Variants in TEAD1 observed in about 807,000 individuals in gnomAD.
The protein encoded by TEAD1 is transcriptional enhancer factor TEF-1.
Under a neutral mutation model 54.9 loss-of-function variants are expected in TEAD1, and 9 were observed. The ratio of observed to expected loss-of-function variants is 0.16; its 90% CI spans 0.10 to 0.29. The LOEUF is 0.29. TEAD1 is among the 10% of genes least tolerant of loss of function. The pLI is 1.00. For missense variants in TEAD1, 387 were observed against 535.9 expected, an observed-to-expected ratio of 0.72 and a Z score of 2.74; for synonymous variants, 200 against 187.8, an observed-to-expected ratio of 1.07 and a Z score of -0.53.
intron 3 of TEAD1, among the ~76,000 whole-genome samples, chr11:12,805,484 A>G (rs761629985): frequency 9.2e-5 from 14 of 152,226 alleles, no homozygotes; most frequent in Admixed American, 3.9e-4. Context: ...AGTAAAGATC[A>G]TGTAACATAT....
chr11:12,700,289 T>A (rs1490183309), intron 2 of TEAD1, among the ~76,000 whole-genome samples: 2 of 152,128 alleles, frequency 1.3e-5, no homozygotes, highest in African/African-American at 4.8e-5. Context: ...TTAACAACTT[T>A]GGACTTTTTC....
At chr11:12,737,147 A>C (rs1177039195) in intron 2 of TEAD1, among the ~76,000 whole-genome samples, 2 of 152,142 alleles carry the variant, frequency 1.3e-5, no homozygotes, top group Non-Finnish European at 2.9e-5. Context: ...TCAGATGAGG[A>C]GACGGAGGCC....
chr11:12,742,008 A>G (rs1274954934), intron 2 of TEAD1, among the ~76,000 whole-genome samples: 1 of 152,208 alleles, frequency 6.6e-6, no homozygotes, highest in Non-Finnish European at 1.5e-5. Flanking sequence ...CCTGATACAG[A>G]GCCAGCACAC....
intron 2 of TEAD1, among the ~76,000 whole-genome samples, chr11:12,688,934 C>T (rs1394290164): frequency 2.0e-5 from 3 of 151,882 alleles, no homozygotes; most frequent in East Asian, 1.9e-4. Context: ...TTTGCCTTTT[C>T]GTCTTCCTCC....
chr11:12,763,339 T>A (rs1945137870), intron 2 of TEAD1, among the ~76,000 whole-genome samples: 1 of 152,228 alleles, frequency 6.6e-6, no homozygotes, highest in African/African-American at 2.4e-5. Flanking sequence ...GACGGAGTGC[T>A]CCATGTCAAT....
intron 9 of TEAD1, among the ~76,000 whole-genome samples, chr11:12,890,568 C>T (rs377102988): frequency 5.3e-5 from 8 of 152,164 alleles, no homozygotes; most frequent in Admixed American, 1.3e-4. Flanking sequence ...ATAACAGGAT[C>T]GCTGCCATGC....
At chr11:12,880,886 G>T in intron 6 of TEAD1, 119 bp from the exon 7 acceptor site, 1 of 1,154,644 alleles carries the variant, frequency 8.7e-7, no homozygotes. Flanking sequence ...CTCTGGGAAA[G>T]CGATTCTGTT....
At chr11:12,854,455 AG>A (rs1947332616) in intron 3 of TEAD1, among the ~76,000 whole-genome samples, 1 of 152,210 alleles carries the variant, frequency 6.6e-6, no homozygotes, top group African/African-American at 2.4e-5. Context: ...AATGGAACAC[AG>A]TAGCTGTGCT....
chr11:12,905,156 T>G (rs1209486748), intron 10 of TEAD1, among the ~76,000 whole-genome samples: 4 of 152,246 alleles, frequency 2.6e-5, no homozygotes, highest in Non-Finnish European at 4.4e-5. Context: ...GCATATTGTT[T>G]GAATATAAAG....
At chr11:12,724,610 T>G (rs1209371271) in intron 2 of TEAD1, among the ~76,000 whole-genome samples, 1 of 152,226 alleles carries the variant, frequency 6.6e-6, no homozygotes, top group Non-Finnish European at 1.5e-5. Context: ...CTGTTTGAAA[T>G]GGACAGAACC....
Position 12,940,035 on chromosome 11 carries a change from TG to T in TEAD1, c.*2814del, listed in dbSNP as rs2134181534. The T allele has an allele frequency of 6.6e-6, 1 of 152,386 alleles. No homozygotes were observed. The highest frequency in any genetic ancestry group is 1.9e-4 in the East Asian group (1 of 5,186). The allele number at this position is 152,386 out of a possible 1,614,324, so 9.4% of individuals were successfully genotyped here. A position where few individuals can be genotyped will look rare whatever the true frequency, so the allele number is the denominator to read the frequency against. On this transcript the variant is annotated 3_prime_UTR_variant, in exon 13 of 13. Transcript: ENST00000527636. ...CCTCGAGACCCTCTGGTGCCAGGCT[TG>T]CTTCACGGCCATCTTGTGTTGTCAC...
intron 3 of TEAD1, among the ~76,000 whole-genome samples, chr11:12,784,635 G>A (rs776127352): frequency 6.6e-6 from 1 of 152,194 alleles, no homozygotes; most frequent in South Asian, 2.1e-4. Flanking sequence ...TCTCCTGGTG[G>A]TGTGTTGATG....
rs192210941 is a variant in TEAD1, at chr11:12,867,938, A to T, written c.330+3038A>T. Among the ~76,000 whole-genome samples, 665 of 152,324 alleles carry T rather than the reference A, an allele frequency of 4.4e-3. 1 individual carries two copies. Among genetic ancestry groups the T allele is most frequent in the Admixed American group, 0.01 (159 of 15,308 alleles). On this transcript the variant is annotated intron_variant, in intron 5 of 12. Transcript: ENST00000527636. The stretch of plus-strand genomic sequence containing the variant: ...TGGAGCAGGTGGCTGGTGGCTGACC[A>T]TCCCAGTAACTATCCTTGCAGACAC...
In TEAD1 at chr11:12,942,118, T is replaced by A. The variant is rs1949167158; in HGVS notation, c.*4896T>A. On this transcript the variant is annotated 3_prime_UTR_variant, in exon 13 of 13. Coordinates refer to ENST00000527636, the MANE Select transcript of TEAD1 (RefSeq NM_021961.6). ...ATATACCAAAACAAAAGGTTGCAAC[T>A]TCATAGTTTACTATGAAAAGCAAAT... The A allele has an allele frequency of 6.6e-6, 1 of 152,630 alleles. No individual in the cohort carries two copies. The highest frequency in any genetic ancestry group is 1.5e-5 in the Non-Finnish European group (1 of 68,036). 9.5% of individuals were successfully genotyped at this position (152,630 alleles called of 1,614,324 possible).
At chr11:12,875,917 T>A (rs889422093) in intron 5 of TEAD1, among the ~76,000 whole-genome samples, 12 of 152,354 alleles carry the variant, frequency 7.9e-5, no homozygotes, top group Middle Eastern at 3.4e-3. Flanking sequence ...CATTAGGCAG[T>A]AATGTGCAAC....
chr11:12,881,037 A>G lies in TEAD1; in HGVS notation c.498A>G (p.Pro166=). The change falls in exon 7 of 13, where the codon CCA becomes CCG. Residue 166 remains proline, a synonymous_variant. Transcript: ENST00000527636. ...CGGGAATGATTCAAACAGGGCAGCCAGGATCCTCACAAGAGTAAGTCTGAG... is the reference window on the plus strand; with the variant it reads ...CGGGAATGATTCAAACAGGGCAGCCGGGATCCTCACAAGAGTAAGTCTGAG... 1.9e-6 allele frequency: 3 copies of G among 1,614,188 alleles called. No individual in the cohort carries two copies. The highest frequency in any genetic ancestry group is 2.5e-6 in the Non-Finnish European group (3 of 1,180,028).
chr11:12,716,574 G>A (rs1490962926), intron 2 of TEAD1, among the ~76,000 whole-genome samples: 1 of 152,144 alleles, frequency 6.6e-6, no homozygotes, highest in Non-Finnish European at 1.5e-5. Flanking sequence ...AGGTCAGATA[G>A]CAAATATTTT....
intron 3 of TEAD1, among the ~76,000 whole-genome samples, chr11:12,852,780 G>A (rs968700899): frequency 6.6e-6 from 1 of 152,092 alleles, no homozygotes; most frequent in Non-Finnish European, 1.5e-5. Flanking sequence ...TTAAGTGTAT[G>A]GGATACCAAG....
chr11:12,846,420 G>A (rs1265526421), intron 3 of TEAD1, among the ~76,000 whole-genome samples: 1 of 152,218 alleles, frequency 6.6e-6, no homozygotes, highest in Non-Finnish European at 1.5e-5. Context: ...ATCCACACAA[G>A]GGTTTGCTGG....
Sources: allele counts gnomAD v4.1 joint callset (sites outside exome capture counted in the v4.1 genomes callset), GRCh38; gene constraint gnomAD v4.1.1; transcripts MANE v1.5; gene names NCBI Gene and HGNC (gene_info 2026-07-23, HGNC 2026-07-21).